TPRG1: variants seen among roughly 807,000 people sequenced by gnomAD.
TPRG1 encodes tumor protein p63-regulated gene 1 protein.
TPRG1 carries 29 observed loss-of-function variants against 29.3 expected under a neutral mutation model. The observed-to-expected ratio is 0.99, with a 90% CI of 0.74 to 1.35. The LOEUF (loss-of-function observed/expected upper bound fraction) is 1.35, where lower values mean the gene tolerates loss of function less well. Ranked by LOEUF, TPRG1 falls within the 40% of genes most tolerant of loss-of-function variation. The probability of loss-of-function intolerance (pLI) is 0.00; values close to 1 mark genes in which losing one functional copy is unlikely to be tolerated. For missense variants in TPRG1, 327 were observed against 335.0 expected (o/e 0.98, Z 0.19); for synonymous variants, 130 against 116.8 (o/e 1.11, Z -0.73).
chr3:189,245,547 A>G (rs1190496054), intron 4 of TPRG1, among the ~76,000 whole-genome samples: 1 of 152,144 alleles, frequency 6.6e-6, no homozygotes, highest in Non-Finnish European at 1.5e-5. Context: ...TCTAATTTAG[A>G]GAGCATACTG....
At chr3:189,111,675 G>A (rs1309828380) in intron 1 of TPRG1, among the ~76,000 whole-genome samples, 1 of 152,106 alleles carries the variant, frequency 6.6e-6, no homozygotes, top group African/African-American at 2.4e-5. Flanking sequence ...AATTTGAGAA[G>A]CATTTGTATA....
intron 4 of TPRG1, among the ~76,000 whole-genome samples, chr3:189,024,983 T>G (rs1183004672): frequency 2.0e-5 from 3 of 152,174 alleles, no homozygotes; most frequent in African/African-American, 7.2e-5. Context: ...CAGTGGGTTT[T>G]ATTTTGGGAG....
chr3:189,197,061 A>G (rs2108762434), intron 1 of TPRG1, among the ~76,000 whole-genome samples: 1 of 152,274 alleles, frequency 6.6e-6, no homozygotes, highest in Non-Finnish European at 1.5e-5. Flanking sequence ...GAAGGTAGTA[A>G]TCTCTGGTAG....
At chr3:189,028,983 G>T (rs1560403358) in intron 4 of TPRG1, among the ~76,000 whole-genome samples, 1 of 151,636 alleles carries the variant, frequency 6.6e-6, no homozygotes, top group African/African-American at 2.4e-5. Context: ...CCCAGTCATG[G>T]TCTATTTCCT....
chr3:189,251,811 A>AG lies in TPRG1; in HGVS notation c.479+12903dup, dbSNP rs532521883. Among the ~76,000 whole-genome samples, 51 of 152,282 alleles carry AG rather than the reference A, an allele frequency of 3.3e-4. 1 individual carries two copies. The highest frequency in any genetic ancestry group is 1.2e-3 in the African/African-American group (51 of 41,554). On this transcript the variant is annotated intron_variant, in intron 4 of 5. Coordinates refer to ENST00000345063, the MANE Select transcript of TPRG1 (RefSeq NM_198485.4). ...GAACATACAATCGGGTTTTATACCG[A>AG]GACATTCCATTGCCCAGGGACGGGC...
At chr3:189,024,377 C>G (rs1464895155) in intron 4 of TPRG1, among the ~76,000 whole-genome samples, 4 of 152,224 alleles carry the variant, frequency 2.6e-5, no homozygotes, top group African/African-American at 9.6e-5. Flanking sequence ...GTCACCCAAA[C>G]AGCAAAGGTA....
At chr3:189,071,780 T>C (rs73048778) in intron 4 of TPRG1, among the ~76,000 whole-genome samples, 21,535 of 152,186 alleles carry the variant, frequency 0.14, 2,621 homozygotes, top group African/African-American at 0.33. Context: ...CAAAAGATGA[T>C]GTAGGATTAT....
intron 4 of TPRG1, 125 bp from the exon 5 acceptor site, chr3:189,310,261 C>G (rs892699141): frequency 1.3e-6 from 1 of 772,030 alleles, no homozygotes; most frequent in Admixed American, 3.5e-5. Context: ...TTCTCACCCC[C>G]TAAAATCTTT....
chr3:189,224,931 C>CTTTTTTT (rs139957231), intron 3 of TPRG1, among the ~76,000 whole-genome samples: 1 of 126,978 alleles, frequency 7.9e-6, no homozygotes, highest in Non-Finnish European at 1.7e-5. Context: ...CTTCCTTTTT[C>CTTTTTTT]TTTTTTTTTT....
chr3:189,103,105 A>C (rs1347799748), intron 1 of TPRG1, among the ~76,000 whole-genome samples: 1 of 152,114 alleles, frequency 6.6e-6, no homozygotes, highest in African/African-American at 2.4e-5. Flanking sequence ...TCTCAACTTT[A>C]CTTTGCCTCC....
intron 3 of TPRG1, among the ~76,000 whole-genome samples, chr3:189,235,968 A>G (rs1179937964): frequency 6.6e-6 from 1 of 152,210 alleles, no homozygotes; most frequent in African/African-American, 2.4e-5. Context: ...AACACAATAT[A>G]TCTTTATTCC....
chr3:189,078,272 G>A (rs890669760), intron 4 of TPRG1, among the ~76,000 whole-genome samples: 23 of 151,374 alleles, frequency 1.5e-4, no homozygotes, highest in African/African-American at 5.6e-4. Context: ...CGAGTAGCTG[G>A]GACTACAGGT....
At chr3:189,308,704 T>C (rs747661434) in intron 4 of TPRG1, among the ~76,000 whole-genome samples, 15 of 152,198 alleles carry the variant, frequency 9.9e-5, no homozygotes, top group Non-Finnish European at 2.1e-4. Flanking sequence ...AAGAATATAA[T>C]GTGTACTTAT....
At chr3:189,219,899 C>A (rs1354493595) in intron 3 of TPRG1, 7 of 356,364 alleles carry the variant, frequency 2.0e-5, no homozygotes, top group Non-Finnish European at 2.7e-5. Flanking sequence ...TGGTGTCTAT[C>A]CCAGGGCTTC....
At chr3:189,031,248 G>A (rs1444241167) in intron 4 of TPRG1, among the ~76,000 whole-genome samples, 3 of 151,530 alleles carry the variant, frequency 2.0e-5, no homozygotes, top group African/African-American at 2.4e-5. Flanking sequence ...CCGCGATTGC[G>A]CCACTGCACT....
At chr3:189,087,251 T>C (rs926506960) in intron 4 of TPRG1, among the ~76,000 whole-genome samples, 2 of 152,230 alleles carry the variant, frequency 1.3e-5, no homozygotes, top group Non-Finnish European at 2.9e-5. Flanking sequence ...ATTTCTCTGA[T>C]GGCCAGTGAT....
At position 189,322,170 on chromosome 3, in the gene TPRG1, T is replaced by C. The variant is rs528016989; in HGVS notation, c.*1350T>C. ...TTTCCCAAGACTCAAAATTGACACA[T>C]CTTTGTTGATGTTTAAGTTGAAATT... is the stretch of plus-strand genomic sequence containing the variant. On this transcript the variant is annotated 3_prime_UTR_variant, in exon 6 of 6. Coordinates refer to ENST00000345063, the MANE Select transcript of TPRG1 (RefSeq NM_198485.4). 1 of 152,052 alleles carries C rather than the reference T, an allele frequency of 6.6e-6. No individual in the cohort carries two copies. Among genetic ancestry groups the C allele is most frequent in the African/African-American group, 2.4e-5 (1 of 41,428 alleles). The allele number at this position is 152,052 out of a possible 1,614,324, so 9.4% of individuals were successfully genotyped here.
intron 5 of TPRG1, among the ~76,000 whole-genome samples, chr3:189,159,369 G>A (rs1727138543): frequency 1.3e-5 from 2 of 152,110 alleles, no homozygotes; most frequent in Non-Finnish European, 2.9e-5. Flanking sequence ...TTCAGGTAGA[G>A]GGAATAAGAT....
Position 189,320,877 on chromosome 3 carries a change from A to G in TPRG1, c.*57A>G, listed in dbSNP as rs1269237538. 2 of 1,340,860 alleles carry G rather than the reference A, an allele frequency of 1.5e-6. No individual in the cohort carries two copies. Among genetic ancestry groups the G allele is most frequent in the Non-Finnish European group, 2.0e-6 (2 of 1,008,194 alleles). The allele number at this position is 1,340,860 out of a possible 1,614,324, so 83.1% of individuals were successfully genotyped here. ...ACAGATATGTCACTTTGAAAATTCC[A>G]GTTTGACCCACGCTATTTTTGGACT... On this transcript the variant is annotated 3_prime_UTR_variant, in exon 6 of 6. Transcript: ENST00000345063.
Sources: allele counts gnomAD v4.1 joint callset (sites outside exome capture counted in the v4.1 genomes callset), GRCh38; gene constraint gnomAD v4.1.1; transcripts MANE v1.5; gene names NCBI Gene and HGNC (gene_info 2026-07-23, HGNC 2026-07-21).